Variants in PLXDC2 observed in about 807,000 individuals in gnomAD.
The protein encoded by PLXDC2 is plexin domain containing 2.
PLXDC2 carries 40 observed loss-of-function variants against 68.9 expected under a neutral mutation model. The ratio of observed to expected loss-of-function variants is 0.58; its 90% CI spans 0.45 to 0.76. The LOEUF is 0.76. PLXDC2 is among the 30% of genes least tolerant of loss of function. The pLI, the probability that PLXDC2 is intolerant of heterozygous loss-of-function variation, is 0.00. For missense variants in PLXDC2, 644 were observed against 661.9 expected (o/e 0.97, Z 0.30); for synonymous variants, 243 against 234.2 (o/e 1.04, Z -0.34).
chr10:20,165,460 G>A (rs995709634), intron 7 of PLXDC2, among the ~76,000 whole-genome samples: 7 of 151,258 alleles, frequency 4.6e-5, no homozygotes, highest in African/African-American at 1.7e-4. Flanking sequence ...CCCAGAGTAT[G>A]ATGTTCCCCT....
intron 2 of PLXDC2, among the ~76,000 whole-genome samples, chr10:20,038,257 T>A (rs900942877): frequency 1.1e-4 from 16 of 150,798 alleles, no homozygotes; most frequent in East Asian, 3.9e-4. Flanking sequence ...AAAAAAAATT[T>A]AAAAAAAAGA....
At chr10:20,164,133 T>C (rs12782650) in intron 6 of PLXDC2, among the ~76,000 whole-genome samples, 49,238 of 151,994 alleles carry the variant, frequency 0.32, 10,099 homozygotes, top group Non-Finnish European at 0.47. Context: ...TTTCCAAAAT[T>C]ATAGCCAGCA....
rs1836109680 is a variant in PLXDC2, at chr10:20,283,587, A to G, written c.*3768A>G. 1 of 152,192 alleles carries G rather than the reference A, an allele frequency of 6.6e-6. No homozygotes were observed. Among genetic ancestry groups the G allele is most frequent in the South Asian group, 2.1e-4 (1 of 4,836 alleles). The allele number at this position is 152,192 out of a possible 1,614,324, so 9.4% of individuals were successfully genotyped here. ...TTCTGCCCATCTGAATATTTCCTTTAGTATTTGTCCCACATGACATCCATC... is the reference window on the plus strand; with the variant it reads ...TTCTGCCCATCTGAATATTTCCTTTGGTATTTGTCCCACATGACATCCATC... On this transcript the variant is annotated 3_prime_UTR_variant, in exon 14 of 14. Transcript: ENST00000377252.
At chr10:19,963,334 G>C (rs1187882929) in intron 1 of PLXDC2, among the ~76,000 whole-genome samples, 1 of 152,192 alleles carries the variant, frequency 6.6e-6, no homozygotes, top group African/African-American at 2.4e-5. Flanking sequence ...TGTCCAAAGA[G>C]AGAGAAAATG....
chr10:20,224,092 G>A (rs949889044), intron 12 of PLXDC2, among the ~76,000 whole-genome samples: 1 of 151,210 alleles, frequency 6.6e-6, no homozygotes, highest in African/African-American at 2.4e-5. Flanking sequence ...ACCTGTCTCA[G>A]CCTCCCAAGT....
At chr10:19,854,460 G>T (rs1031677139) in intron 1 of PLXDC2, among the ~76,000 whole-genome samples, 2 of 152,084 alleles carry the variant, frequency 1.3e-5, no homozygotes, top group African/African-American at 4.8e-5. Flanking sequence ...ACAACTTGAG[G>T]GGTGCTACTG....
At chr10:19,890,611 G>A (rs575526123) in intron 1 of PLXDC2, among the ~76,000 whole-genome samples, 15 of 137,232 alleles carry the variant, frequency 1.1e-4, no homozygotes, top group East Asian at 2.3e-4. Context: ...TCCTGACCTC[G>A]TGATCCACCC....
intron 6 of PLXDC2, among the ~76,000 whole-genome samples, chr10:20,158,828 T>C (rs948176665): frequency 2.0e-5 from 3 of 152,144 alleles, no homozygotes; most frequent in African/African-American, 4.8e-5. Flanking sequence ...ACATGTTCCA[T>C]AGGAAATTTT....
At chr10:19,946,681 T>C (rs2131402675) in intron 1 of PLXDC2, among the ~76,000 whole-genome samples, 1 of 152,034 alleles carries the variant, frequency 6.6e-6, no homozygotes, top group Admixed American at 6.6e-5. Flanking sequence ...TCAAACACAT[T>C]GCATTTATTG....
chr10:20,202,880 T>C (rs944072690), intron 9 of PLXDC2, among the ~76,000 whole-genome samples: 1 of 152,184 alleles, frequency 6.6e-6, no homozygotes, highest in African/African-American at 2.4e-5. Flanking sequence ...TCCCATTGTG[T>C]AACTGGCTTT....
chr10:19,847,858 A>AATTGT, intron 1 of PLXDC2, among the ~76,000 whole-genome samples: 1 of 152,306 alleles, frequency 6.6e-6, no homozygotes, highest in African/African-American at 2.4e-5. Context: ...CTGTACTGGG[A>AATTGT]TTACACAATT....
intron 1 of PLXDC2, among the ~76,000 whole-genome samples, chr10:19,900,688 A>G (rs1838143573): frequency 1.3e-5 from 2 of 151,698 alleles, no homozygotes; most frequent in Admixed American, 1.3e-4. Context: ...GATTTCTGAG[A>G]TTTTGGTGTA....
intron 4 of PLXDC2, among the ~76,000 whole-genome samples, chr10:20,068,570 T>G (rs1162666967): frequency 6.7e-6 from 1 of 149,336 alleles, no homozygotes; most frequent in Non-Finnish European, 1.5e-5. Context: ...AAACTGCTGG[T>G]GATCTTAAAT....
chr10:20,049,309 A>G (rs1288245228), intron 3 of PLXDC2, among the ~76,000 whole-genome samples: 1 of 152,146 alleles, frequency 6.6e-6, no homozygotes, highest in African/African-American at 2.4e-5. Context: ...CAACACAAGG[A>G]TGACCTCTGT....
rs969138033 is a variant in PLXDC2, at chr10:19,923,963, C to T, written c.113-77812C>T. ...CCTGTAGTCCCCACTCCTTGGGAGG[C>T]TGAAGGGGAAGGATTGCTTGAGCTG... On this transcript the variant is annotated intron_variant, in intron 1 of 13. Coordinates refer to ENST00000377252, the MANE Select transcript of PLXDC2 (RefSeq NM_032812.9). 2.0e-5 allele frequency among the ~76,000 whole-genome samples: 3 copies of T among 152,086 alleles called. No homozygotes were observed. The South Asian group carries it at 6.2e-4, about 32-fold the overall frequency.
intron 1 of PLXDC2, among the ~76,000 whole-genome samples, chr10:19,945,494 C>A (rs1376769440): frequency 1.3e-5 from 2 of 152,172 alleles, no homozygotes; most frequent in Non-Finnish European, 2.9e-5. Context: ...TTTGCCAAGG[C>A]CGGGCTGGCC....
intron 11 of PLXDC2, 100 bp from the exon 12 acceptor site, chr10:20,218,964 T>C: frequency 7.7e-7 from 1 of 1,297,294 alleles, no homozygotes; most frequent in Non-Finnish European, 1.1e-6. Flanking sequence ...TCTAGTCATG[T>C]TCCGACCAAG....
intron 3 of PLXDC2, among the ~76,000 whole-genome samples, chr10:20,065,077 T>C (rs1836180924): frequency 6.6e-6 from 1 of 152,122 alleles, no homozygotes; most frequent in Non-Finnish European, 1.5e-5. Context: ...AAATAAACTG[T>C]CTGCCCCTAA....
chr10:19,876,692 T>C (rs1327142697), intron 1 of PLXDC2, among the ~76,000 whole-genome samples: 1 of 151,586 alleles, frequency 6.6e-6, no homozygotes, highest in Non-Finnish European at 1.5e-5. Flanking sequence ...ATCACTCCTG[T>C]ATGTGTCTAG....
Sources: allele counts gnomAD v4.1 joint callset (sites outside exome capture counted in the v4.1 genomes callset), GRCh38; gene constraint gnomAD v4.1.1; transcripts MANE v1.5; gene names NCBI Gene and HGNC (gene_info 2026-07-23, HGNC 2026-07-21).